TNN: variants seen among roughly 807,000 people sequenced by gnomAD.
The protein encoded by TNN is tenascin N, also known as tenascin-N.
A neutral mutation model predicts 134.4 loss-of-function variants in TNN; 122 were observed. The observed-to-expected ratio is 0.91, with a 90% CI of 0.78 to 1.06. The LOEUF (loss-of-function observed/expected upper bound fraction) is 1.06. Ranked by LOEUF, TNN falls within the 50% of genes least tolerant of loss-of-function variation. The probability of loss-of-function intolerance (pLI) is 0.00; values close to 1 mark genes in which losing one functional copy is unlikely to be tolerated. For missense variants in TNN, 1,739 were observed against 1,699.4 expected (o/e 1.02, Z -0.41); for synonymous variants, 710 against 670.3 (o/e 1.06, Z -0.91).
intron 9 of TNN, among the ~76,000 whole-genome samples, chr1:175,098,979 C>T (rs1408374988): frequency 6.6e-6 from 1 of 152,196 alleles, no homozygotes; most frequent in Non-Finnish European, 1.5e-5. Flanking sequence ...TGTTTAAACC[C>T]TTTGCAAGCT....
In TNN at chr1:175,128,752, T is replaced by A. The variant is rs771250279; in HGVS notation, c.3330+6T>A. On this transcript the variant is annotated splice_donor_region_variant and intron_variant, in intron 15 of 18. Coordinates refer to ENST00000239462, the MANE Select transcript of TNN (RefSeq NM_022093.2). ...CGGACGGAGGTGGCTGGATTGTGAGTCACGCAGAACCCTGGGGAGCTCTGT... is the reference window on the plus strand; with the variant it reads ...CGGACGGAGGTGGCTGGATTGTGAGACACGCAGAACCCTGGGGAGCTCTGT... 4.3e-6 allele frequency: 7 copies of A among 1,611,130 alleles called. No individual in the cohort carries two copies.
intron 13 of TNN, 141 bp from the exon 14 acceptor site, chr1:175,127,891 G>A: frequency 1.1e-6 from 1 of 949,902 alleles, no homozygotes. Flanking sequence ...ATTCTGGGCT[G>A]CCACTGAGGC....
intron 9 of TNN, among the ~76,000 whole-genome samples, chr1:175,116,515 T>C (rs1675171507): frequency 6.6e-6 from 1 of 152,244 alleles, no homozygotes; most frequent in South Asian, 2.1e-4. Context: ...GGAATATTCA[T>C]GCTTGAATGA....
chr1:175,087,285 G>A (rs1674340509), intron 6 of TNN, among the ~76,000 whole-genome samples: 1 of 152,176 alleles, frequency 6.6e-6, no homozygotes, highest in Non-Finnish European at 1.5e-5. Flanking sequence ...GAAATAGGGA[G>A]GGTATAATTC....
intron 17 of TNN, among the ~76,000 whole-genome samples, chr1:175,142,522 C>T (rs895929291): frequency 3.3e-5 from 5 of 152,300 alleles, no homozygotes; most frequent in Non-Finnish European, 5.9e-5. Flanking sequence ...GTCAGATCAT[C>T]GGAAGGGCTT....
At chr1:175,140,764 T>A (rs577245588) in intron 17 of TNN, among the ~76,000 whole-genome samples, 5 of 152,362 alleles carry the variant, frequency 3.3e-5, no homozygotes, top group Admixed American at 3.3e-4. Flanking sequence ...AGTCTTCCCA[T>A]GTGTACTATC....
At chr1:175,101,505 C>A (rs1263758222) in intron 9 of TNN, among the ~76,000 whole-genome samples, 1 of 149,248 alleles carries the variant, frequency 6.7e-6, no homozygotes, top group Non-Finnish European at 1.5e-5. Flanking sequence ...AATGCTGGCT[C>A]GGGCAGCCTG....
chr1:175,097,589 G>A lies in TNN; in HGVS notation c.1761G>A (p.Leu587=). ...LVGKEQSSTV[L]TGLRPGVEYT... ...GGAAGGAGCAGAGCAGCACTGTCCT[G>A]ACAGGCCTGAGGCCAGGTGTGGAGT... The change falls in exon 8 of 19, where the codon CTG becomes CTA. Residue 587 remains leucine, a synonymous_variant. Transcript: ENST00000239462. 2 of 1,614,194 alleles carry A rather than the reference G, an allele frequency of 1.2e-6. No individual in the cohort carries two copies. The highest frequency in any genetic ancestry group is 1.7e-6 in the Non-Finnish European group (2 of 1,180,038).
intron 6 of TNN, among the ~76,000 whole-genome samples, chr1:175,090,500 C>T (rs12086027): frequency 0.55 from 83,126 of 151,742 alleles, 23,349 homozygotes; most frequent in African/African-American, 0.69. Context: ...TTCATCCCGT[C>T]AGTGCCATCT....
rs535004873 is a variant in TNN, at chr1:175,121,267, T to C, written c.2651-2133T>C. 2.0e-5 allele frequency among the ~76,000 whole-genome samples: 3 copies of C among 152,170 alleles called. No individual in the cohort carries two copies. The South Asian group carries it at 6.2e-4, about 32-fold the overall frequency. Reference sequence around the variant, plus strand: ...TGTGCTTACAGAAGAAGGGGGAGAATGGATTTTGGCAAAAACTAGCCATTT... The same window carrying C: ...TGTGCTTACAGAAGAAGGGGGAGAACGGATTTTGGCAAAAACTAGCCATTT... On this transcript the variant is annotated intron_variant, in intron 11 of 18. Transcript: ENST00000239462.
rs140126840 is a variant in TNN at position 175,098,092 on chromosome 1, G to A, written c.1856-240G>A. ...TGCCATATGCTGCTGAGAAGACATCGTTCCTCCAACATTTTAGGGAACTGA... is the reference window on the plus strand; with the variant it reads ...TGCCATATGCTGCTGAGAAGACATCATTCCTCCAACATTTTAGGGAACTGA... On this transcript the variant is annotated intron_variant, in intron 8 of 18. Coordinates refer to ENST00000239462, the MANE Select transcript of TNN (RefSeq NM_022093.2). Among the ~76,000 whole-genome samples, 224 of 152,244 alleles carry A rather than the reference G, an allele frequency of 1.5e-3. 1 individual carries two copies. Among genetic ancestry groups the A allele is most frequent in the African/African-American group, 5.1e-3 (213 of 41,526 alleles).
At chr1:175,120,331 G>A (rs1013847409) in intron 11 of TNN, among the ~76,000 whole-genome samples, 3 of 152,204 alleles carry the variant, frequency 2.0e-5, no homozygotes, top group East Asian at 1.9e-4. Flanking sequence ...ACATGGTGTA[G>A]GTATAGAGAA....
At chr1:175,082,293 A>T (rs947573441) in intron 4 of TNN, among the ~76,000 whole-genome samples, 5 of 152,194 alleles carry the variant, frequency 3.3e-5, no homozygotes, top group African/African-American at 1.2e-4. Flanking sequence ...AAATTCTGCA[A>T]GTGTGAAGTT....
chr1:175,146,853 A>G (rs1329118247), intron 18 of TNN, 78 bp from the exon 19 acceptor site: 1 of 1,279,308 alleles, frequency 7.8e-7, no homozygotes, highest in Non-Finnish European at 1.0e-6. Flanking sequence ...TAATTAATTA[A>G]TTCCTTTGTA....
intron 11 of TNN, among the ~76,000 whole-genome samples, chr1:175,122,121 T>G (rs1396207477): frequency 6.6e-6 from 1 of 151,870 alleles, no homozygotes; most frequent in South Asian, 2.1e-4. Context: ...ACAGGTGCAG[T>G]GACTCTCACC....
At position 175,118,547 on chromosome 1, in the gene TNN, A is replaced by AT. The variant is rs57690785; in HGVS notation, c.2387-4dup. 0.21 allele frequency: 313,790 copies of AT among 1,495,032 alleles called. 21,697 individuals are homozygous for AT. The highest frequency in any genetic ancestry group is 0.31 in the African/African-American group (22,150 of 71,530). The allele number at this position is 1,495,032 out of a possible 1,614,324, so 92.6% of individuals were successfully genotyped here. A position where few individuals can be genotyped will look rare whatever the true frequency, so the allele number is the denominator to read the frequency against. On this transcript the variant is annotated splice_polypyrimidine_tract_variant and intron_variant, in intron 10 of 18. Coordinates refer to ENST00000239462, the MANE Select transcript of TNN (RefSeq NM_022093.2). ...CTGTTCATAGTGCATATTGGTCAGC[A>AT]TTTTTTTTTTCAGACATTGACAGCC...
chr1:175,104,359 C>G (rs541530860), intron 9 of TNN, among the ~76,000 whole-genome samples: 1 of 146,076 alleles, frequency 6.8e-6, no homozygotes, highest in Non-Finnish European at 1.5e-5. Flanking sequence ...GTTGGATCAT[C>G]TGGTTGGGGG....
rs1396740612 is a variant in TNN, at chr1:175,117,054, C to CA, written c.2237dup (p.Asp747GlyfsTer15). 4.3e-6 allele frequency: 7 copies of CA among 1,614,110 alleles called. No homozygotes were observed. In the East Asian group the frequency reaches 1.6e-4, roughly 36 times the overall value. The stretch of plus-strand genomic sequence containing the variant: ...GGTATGTGGTGCGCTACACCTCTGC[C>CA]AAGGACGGAGAGACCAGGGAGGTTC... On this transcript the variant is annotated frameshift_variant, in exon 10 of 19. Transcript: ENST00000239462. LOFTEE classifies it high-confidence loss of function.
Position 175,085,414 on chromosome 1 carries a change from C to A in TNN, c.1244C>A (p.Pro415Gln), listed in dbSNP as rs763519873. The change falls in exon 6 of 19, where the codon CCG becomes CAG. Residue 415 changes from proline (P) to glutamine (Q), a missense_variant. Coordinates refer to ENST00000239462, the MANE Select transcript of TNN (RefSeq NM_022093.2). ...GCCTGCTTGTTTCCAGGTCTGCACCCGGGGACTGAGTATAAGATCACGGTG... is the reference window on the plus strand; with the variant it reads ...GCCTGCTTGTTTCCAGGTCTGCACCAGGGGACTGAGTATAAGATCACGGTG... ...KSRYDITGLHPGTEYKITVVP... is the reference protein window; with the variant it reads ...KSRYDITGLHQGTEYKITVVP... 6.2e-7 allele frequency: 1 copy of A among 1,610,562 alleles called. No homozygotes were observed. The highest frequency in any genetic ancestry group is 1.7e-5 in the Admixed American group (1 of 59,940).
Sources: gnomAD v4.1 joint callset for allele counts (sites outside exome capture counted in the v4.1 genomes callset) on GRCh38, gnomAD v4.1.1 for gene constraint, MANE v1.5 for transcripts, NCBI Gene and HGNC (gene_info 2026-07-23, HGNC 2026-07-21) for gene names.